The following CTNNA3 variants were observed in gnomAD, a reference collection of about 807,000 sequenced individuals.
CTNNA3 encodes catenin alpha-3.
Under a neutral mutation model 95.7 loss-of-function variants are expected in CTNNA3, and 76 were observed. The observed-to-expected ratio is 0.79, with a 90% CI of 0.66 to 0.96. CTNNA3 has a LOEUF of 0.96. CTNNA3 is among the 40% of genes least tolerant of loss of function. The pLI is 0.00. For missense variants in CTNNA3, 1,191 were observed against 1,089.8 expected (o/e 1.09, Z -1.31); for synonymous variants, 431 against 374.4 (o/e 1.15, Z -1.74).
intron 13 of CTNNA3, among the ~76,000 whole-genome samples, chr10:66,154,955 T>C (rs2084413771): frequency 6.6e-6 from 1 of 151,298 alleles, no homozygotes; most frequent in Non-Finnish European, 1.5e-5. Context: ...AGACAGTAAA[T>C]ATTTTGGGCT....
chr10:67,593,252 C>G (rs1842838781), intron 3 of CTNNA3, among the ~76,000 whole-genome samples: 1 of 152,118 alleles, frequency 6.6e-6, no homozygotes, highest in Non-Finnish European at 1.5e-5. Context: ...CATGTCATTG[C>G]TATTGTAAAT....
intron 7 of CTNNA3, among the ~76,000 whole-genome samples, chr10:67,018,243 T>A (rs1454995033): frequency 6.6e-6 from 1 of 152,214 alleles, no homozygotes; most frequent in African/African-American, 2.4e-5. Flanking sequence ...AATGAGAGCA[T>A]AAAGGCATAT....
At chr10:66,312,747 A>G (rs1333075302) in intron 12 of CTNNA3, among the ~76,000 whole-genome samples, 1 of 152,086 alleles carries the variant, frequency 6.6e-6, no homozygotes, top group Admixed American at 6.6e-5. Flanking sequence ...GGGTTTCACC[A>G]TATTGGCCAG....
chr10:66,333,416 C>T (rs995789000), intron 12 of CTNNA3, among the ~76,000 whole-genome samples: 2 of 151,950 alleles, frequency 1.3e-5, no homozygotes, highest in African/African-American at 2.4e-5. Flanking sequence ...CCCAGAGATT[C>T]TGGTATGTTG....
In CTNNA3 at chr10:66,552,938, A is replaced by G. The variant is rs142418242; in HGVS notation, c.1375-32165T>C. Among the ~76,000 whole-genome samples, 1,132 of 152,062 alleles carry G rather than the reference A, an allele frequency of 7.4e-3. 14 individuals are homozygous for G. The highest frequency in any genetic ancestry group is 0.025 in the African/African-American group (1,018 of 41,502). On this transcript the variant is annotated intron_variant, in intron 10 of 17. Coordinates refer to ENST00000433211, the MANE Select transcript of CTNNA3 (RefSeq NM_013266.4). ...AAAAATCTATTTTCTCTGATAGTTG[A>G]TAAGTATTTTAAAAATATGCTGAGT...
At chr10:66,715,664 A>G (rs1171166883) in intron 9 of CTNNA3, among the ~76,000 whole-genome samples, 2 of 152,144 alleles carry the variant, frequency 1.3e-5, no homozygotes, top group Non-Finnish European at 2.9e-5. Flanking sequence ...TTGATAGCAT[A>G]CCTGGGCATT....
intron 9 of CTNNA3, among the ~76,000 whole-genome samples, chr10:66,753,173 A>G (rs1839228593): frequency 6.6e-6 from 1 of 152,136 alleles, no homozygotes; most frequent in Non-Finnish European, 1.5e-5. Context: ...GCTGTGTAAG[A>G]CATGCTTCCA....
At position 65,990,571 on chromosome 10, in the gene CTNNA3, G is replaced by A. The variant is rs569815946; in HGVS notation, c.2160-1774C>T. On this transcript the variant is annotated intron_variant, in intron 15 of 17. Transcript: ENST00000433211. ...ATGTCCTTTGCCCGCTTTTTGATGG[G>A]ATTATTATTATTTTCTCCTGTTGAG... Among the ~76,000 whole-genome samples the A allele has an allele frequency of 2.3e-4, 34 of 150,948 alleles. No individual in the cohort carries two copies. The South Asian group carries it at 4.0e-3, about 18-fold the overall frequency.
intron 13 of CTNNA3, among the ~76,000 whole-genome samples, chr10:66,214,185 TA>T (rs1207442928): frequency 6.6e-6 from 1 of 152,142 alleles, no homozygotes; most frequent in Admixed American, 6.6e-5. Flanking sequence ...GTCTTCAGGG[TA>T]ACATTACCCT....
At chr10:67,619,693 C>A (rs997241715) in intron 2 of CTNNA3, among the ~76,000 whole-genome samples, 5 of 152,140 alleles carry the variant, frequency 3.3e-5, no homozygotes, top group African/African-American at 1.2e-4. Context: ...CATTTTATTT[C>A]TCTTCTCTGG....
intron 7 of CTNNA3, among the ~76,000 whole-genome samples, chr10:67,125,777 C>A (rs919925166): frequency 3.9e-5 from 6 of 152,132 alleles, no homozygotes; most frequent in African/African-American, 1.4e-4. Context: ...GTTAATCCAC[C>A]ATGCCCTCAT....
intron 1 of CTNNA3, among the ~76,000 whole-genome samples, chr10:67,650,538 T>C (rs1440354082): frequency 6.6e-6 from 1 of 152,208 alleles, no homozygotes; most frequent in Non-Finnish European, 1.5e-5. Flanking sequence ...CCAAACTATC[T>C]TTGTCTGCAA....
intron 5 of CTNNA3, among the ~76,000 whole-genome samples, chr10:67,349,662 T>C (rs1203882983): frequency 6.6e-6 from 1 of 152,142 alleles, no homozygotes; most frequent in African/African-American, 2.4e-5. Context: ...CAATACTATA[T>C]TGCACACTTA....
chr10:65,964,096 A>C lies in CTNNA3; in HGVS notation c.2400+2516T>G, dbSNP rs531591341. Among the ~76,000 whole-genome samples the C allele has an allele frequency of 1.5e-4, 23 of 152,314 alleles. No homozygotes were observed. In the South Asian group the frequency reaches 4.8e-3, roughly 32 times the overall value. ...TGAATACCAAATTTCTGTAATTTTT[A>C]GTGTCTCTCTGCTTTGGAATCATGC... On this transcript the variant is annotated intron_variant, in intron 17 of 17. Transcript: ENST00000433211.
At chr10:66,655,397 T>G (rs913090848) in intron 9 of CTNNA3, among the ~76,000 whole-genome samples, 3 of 152,066 alleles carry the variant, frequency 2.0e-5, no homozygotes, top group African/African-American at 4.8e-5. Flanking sequence ...AACATTTTAC[T>G]TCTGATGAAG....
intron 12 of CTNNA3, among the ~76,000 whole-genome samples, chr10:66,309,443 A>C (rs2091976663): frequency 6.6e-6 from 1 of 152,100 alleles, no homozygotes; most frequent in African/African-American, 2.4e-5. Context: ...CTGTAATCTC[A>C]GCACTTTGGG....
intron 13 of CTNNA3, among the ~76,000 whole-genome samples, chr10:66,222,114 G>A (rs182551425): frequency 6.6e-6 from 1 of 152,200 alleles, no homozygotes; most frequent in Admixed American, 6.5e-5. Context: ...TCAGAGTCTT[G>A]AAAGATTTGG....
At chr10:67,344,539 G>A (rs1004317486) in intron 5 of CTNNA3, among the ~76,000 whole-genome samples, 1 of 152,008 alleles carries the variant, frequency 6.6e-6, no homozygotes, top group South Asian at 2.1e-4. Context: ...GTATTGATCT[G>A]TTCAGGTTTT....
intron 7 of CTNNA3, among the ~76,000 whole-genome samples, chr10:66,779,833 A>G (rs747132774): frequency 2.6e-5 from 4 of 152,344 alleles, no homozygotes; most frequent in Middle Eastern, 3.4e-3. Flanking sequence ...ACAAATCTTT[A>G]TCATCTACTA....
Sources: allele counts gnomAD v4.1 joint callset (sites outside exome capture counted in the v4.1 genomes callset), GRCh38; gene constraint gnomAD v4.1.1; transcripts MANE v1.5; gene names NCBI Gene and HGNC (gene_info 2026-07-23, HGNC 2026-07-21).